SPECC1L: variants seen among roughly 807,000 people sequenced by gnomAD.
SPECC1L encodes the protein sperm antigen with calponin homology and coiled-coil domains 1 like.
A neutral mutation model predicts 116.8 loss-of-function variants in SPECC1L; 40 were observed. The ratio of observed to expected loss-of-function variants is 0.34; its 90% confidence interval spans 0.27 to 0.45. SPECC1L has a LOEUF of 0.45. SPECC1L is among the 20% of genes least tolerant of loss of function. The pLI, the probability that SPECC1L is intolerant of heterozygous loss-of-function variation, is 1.00. For synonymous variants in SPECC1L, 504 were observed against 500.6 expected, an observed-to-expected ratio of 1.01 and a Z score of -0.09; for missense variants, 1,110 against 1,373.6, an observed-to-expected ratio of 0.81 and a Z score of 3.03.
chr22:24,298,121 T>G (rs2049303353), intron 2 of SPECC1L, among the ~76,000 whole-genome samples: 2 of 152,172 alleles, frequency 1.3e-5, no homozygotes, highest in African/African-American at 4.8e-5. Context: ...ATGTATAATA[T>G]TCAATAAATT....
At chr22:24,309,418 C>CT (rs1384679654) in intron 3 of SPECC1L, among the ~76,000 whole-genome samples, 3 of 150,268 alleles carry the variant, frequency 2.0e-5, no homozygotes, top group African/African-American at 7.3e-5. Flanking sequence ...ATTTTTTTTT[C>CT]TTTTTGAGAG....
Position 24,299,475 on chromosome 22 carries a change from G to A in SPECC1L, c.-37-2720G>A, listed in dbSNP as rs577606407. Among the ~76,000 whole-genome samples, 162 of 152,190 alleles carry A rather than the reference G, an allele frequency of 1.1e-3. 2 individuals are homozygous for A. The South Asian group carries it at 0.025, about 23-fold the overall frequency. Reference sequence around the variant, plus strand: ...ACAGGGGGTATTTGGGTCTGATATGGCTAAGAACCAGCCGGTCTAAGTGAT... The same window carrying A: ...ACAGGGGGTATTTGGGTCTGATATGACTAAGAACCAGCCGGTCTAAGTGAT... On this transcript the variant is annotated intron_variant, in intron 2 of 16. Coordinates refer to ENST00000314328, the MANE Select transcript of SPECC1L (RefSeq NM_015330.6).
intron 16 of SPECC1L, 84 bp from the exon 17 acceptor site, chr22:24,414,450 G>T (rs549154355): frequency 1.8e-6 from 2 of 1,108,672 alleles, no homozygotes; most frequent in East Asian, 2.4e-5. Context: ...CCAACTCCAA[G>T]AGCCCATGTT....
chr22:24,311,055 C>G (rs1208738085), intron 3 of SPECC1L, among the ~76,000 whole-genome samples: 6 of 152,166 alleles, frequency 3.9e-5, no homozygotes, highest in Admixed American at 6.5e-5. Flanking sequence ...GGTTATAAAT[C>G]AAGTGTCTAT....
rs544689129 is a variant in SPECC1L, at chr22:24,417,323, T to C, written c.*2700T>C. 24 of 152,480 alleles carry C rather than the reference T, an allele frequency of 1.6e-4. No homozygotes were observed. The highest frequency in any genetic ancestry group is 5.5e-4 in the African/African-American group (23 of 41,542). 9.4% of individuals were successfully genotyped at this position (152,480 alleles called of 1,614,324 possible). A position where few individuals can be genotyped will look rare whatever the true frequency, so the allele number is the denominator to read the frequency against. ...GACGTCGCATAAACCAGAACCCAGC[T>C]CCCTCCTGGGACTGGCTGTGGAGAG... is the stretch of plus-strand genomic sequence containing the variant. On this transcript the variant is annotated 3_prime_UTR_variant, in exon 17 of 17. Coordinates refer to ENST00000314328, the MANE Select transcript of SPECC1L (RefSeq NM_015330.6).
intron 14 of SPECC1L, among the ~76,000 whole-genome samples, chr22:24,389,055 T>A (rs1239101897): frequency 6.6e-6 from 1 of 152,180 alleles, no homozygotes; most frequent in Non-Finnish European, 1.5e-5. Flanking sequence ...TGTACCATAT[T>A]TTTGAGGTTC....
chr22:24,384,385 G>A (rs967046308), intron 14 of SPECC1L, among the ~76,000 whole-genome samples: 6 of 151,922 alleles, frequency 3.9e-5, no homozygotes, highest in Non-Finnish European at 8.8e-5. Flanking sequence ...AATCCCATAG[G>A]GAAACAAAAT....
chr22:24,381,217 A>C (rs1342176805), intron 14 of SPECC1L, among the ~76,000 whole-genome samples: 1 of 152,192 alleles, frequency 6.6e-6, no homozygotes, highest in East Asian at 1.9e-4. Flanking sequence ...TGTAATCAGG[A>C]TGCCCCCAAA....
chr22:24,352,307 T>C (rs547483816), intron 11 of SPECC1L, among the ~76,000 whole-genome samples: 101 of 152,230 alleles, frequency 6.6e-4, no homozygotes, highest in Non-Finnish European at 1.0e-3. Flanking sequence ...AGCTCCAGAA[T>C]GTTAAGCATA....
intron 3 of SPECC1L, among the ~76,000 whole-genome samples, chr22:24,303,844 GGTGT>G (rs3031935): frequency 0.09 from 12,951 of 143,938 alleles, 855 homozygotes; most frequent in African/African-American, 0.2. Flanking sequence ...GTTTAAATAG[GGTGT>G]GTGTGTGTGT....
At chr22:24,345,754 C>T (rs377234476) in intron 10 of SPECC1L, among the ~76,000 whole-genome samples, 3 of 152,088 alleles carry the variant, frequency 2.0e-5, no homozygotes, top group Non-Finnish European at 2.9e-5. Flanking sequence ...AAAAGGCTGA[C>T]GATCTGAAGT....
chr22:24,291,644 T>C (rs1336977305), intron 2 of SPECC1L, among the ~76,000 whole-genome samples: 1 of 151,872 alleles, frequency 6.6e-6, no homozygotes, highest in Non-Finnish European at 1.5e-5. Context: ...CTGTAAATTA[T>C]GATAGCTCAT....
chr22:24,302,402 GA>G lies in SPECC1L; in HGVS notation c.153+20del. Reference sequence around the variant, plus strand: ...TGTCAAAGGTATTCATGTGATGTTTGAATACATGATGGGTTTTTGGAGGACT... The same window carrying G: ...TGTCAAAGGTATTCATGTGATGTTTGATACATGATGGGTTTTTGGAGGACT... On this transcript the variant is annotated intron_variant, in intron 3 of 16. Transcript: ENST00000314328. The G allele has an allele frequency of 6.2e-7, 1 of 1,613,894 alleles. No individual in the cohort carries two copies. Among genetic ancestry groups the G allele is most frequent in the Non-Finnish European group, 8.5e-7 (1 of 1,179,908 alleles).
intron 1 of SPECC1L, among the ~76,000 whole-genome samples, 173 bp downstream of exon 1, chr22:24,271,156 C>G (rs1459806429): frequency 1.3e-5 from 2 of 152,260 alleles, no homozygotes; most frequent in Non-Finnish European, 2.9e-5. Flanking sequence ...CTTTCCCTTC[C>G]CGCGCCGTCC....
chr22:24,271,162 C>T (rs1015973309), intron 1 of SPECC1L, among the ~76,000 whole-genome samples, 179 bp downstream of exon 1: 2 of 152,260 alleles, frequency 1.3e-5, no homozygotes, highest in African/African-American at 4.8e-5. Flanking sequence ...CTTCCCGCGC[C>T]GTCCTCGTTC....
At chr22:24,296,947 C>CT (rs4049936) in intron 2 of SPECC1L, among the ~76,000 whole-genome samples, 4,393 of 122,922 alleles carry the variant, frequency 0.036, 27 homozygotes, top group African/African-American at 0.079. Context: ...TTTAGAATAT[C>CT]TTTTTTTTTT....
chr22:24,350,874 C>T (rs2041407174), intron 11 of SPECC1L, among the ~76,000 whole-genome samples: 2 of 152,206 alleles, frequency 1.3e-5, no homozygotes, highest in South Asian at 4.1e-4. Flanking sequence ...TGAGTCCAGC[C>T]TGGGCACGGT....
chr22:24,371,234 A>G (rs2041865112), intron 14 of SPECC1L, among the ~76,000 whole-genome samples: 1 of 152,242 alleles, frequency 6.6e-6, no homozygotes, highest in African/African-American at 2.4e-5. Context: ...TAATAGCAGA[A>G]TACACATTCT....
At chr22:24,337,160 T>C (rs2041076600) in intron 9 of SPECC1L, among the ~76,000 whole-genome samples, 1 of 152,156 alleles carries the variant, frequency 6.6e-6, no homozygotes, top group Non-Finnish European at 1.5e-5. Context: ...CTGCTCACAA[T>C]AGCTAATAGA....
Sources: allele counts gnomAD v4.1 joint callset (sites outside exome capture counted in the v4.1 genomes callset), GRCh38; gene constraint gnomAD v4.1.1; transcripts MANE v1.5; gene names NCBI Gene and HGNC (gene_info 2026-07-23, HGNC 2026-07-21).